STAU2: variants seen among roughly 807,000 people sequenced by gnomAD.
STAU2 encodes staufen double-stranded RNA binding protein 2.
Under a neutral mutation model 65.9 loss-of-function variants are expected in STAU2, and 20 were observed. The ratio of observed to expected loss-of-function variants is 0.30; its 90% CI spans 0.21 to 0.44. The LOEUF is 0.44. STAU2 is among the 20% of genes least tolerant of loss of function. STAU2 has a pLI of 1.00. For missense variants in STAU2, 558 were observed against 683.9 expected (o/e 0.82, Z 2.05); for synonymous variants, 232 against 233.9 (o/e 0.99, Z 0.07).
chr8:73,612,976 T>C (rs987762743), intron 9 of STAU2, among the ~76,000 whole-genome samples: 1 of 152,230 alleles, frequency 6.6e-6, no homozygotes, highest in African/African-American at 2.4e-5. Context: ...ATTCCTCTGA[T>C]ATTTACCTTG....
intron 3 of STAU2, among the ~76,000 whole-genome samples, chr8:73,728,463 C>CA (rs34893638): frequency 0.83 from 108,280 of 130,868 alleles, 43,882 homozygotes; most frequent in East Asian, 0.91. Context: ...CCAACTTTTG[C>CA]AAAAAAAAAA....
chr8:73,737,898 T>TAA (rs78894120), intron 3 of STAU2, among the ~76,000 whole-genome samples: 8 of 134,768 alleles, frequency 5.9e-5, no homozygotes, highest in Admixed American at 7.4e-5. Context: ...AAGTGAACTT[T>TAA]AAAAAAAAAA....
At chr8:73,665,871 A>G (rs1376205692) in intron 6 of STAU2, among the ~76,000 whole-genome samples, 4 of 152,158 alleles carry the variant, frequency 2.6e-5, no homozygotes, top group African/African-American at 9.7e-5. Flanking sequence ...CATATAACCT[A>G]TGCACATCCT....
chr8:73,730,345 ATAGC>A (rs753697219), intron 3 of STAU2, among the ~76,000 whole-genome samples: 73,266 of 152,050 alleles, frequency 0.48, 19,706 homozygotes, highest in Non-Finnish European at 0.62. Flanking sequence ...GAGAAGATAC[ATAGC>A]ATGATTTCAA....
At chr8:73,700,252 G>A (rs2130597059) in intron 4 of STAU2, among the ~76,000 whole-genome samples, 1 of 152,042 alleles carries the variant, frequency 6.6e-6, no homozygotes, top group Middle Eastern at 3.4e-3. Context: ...TTCCTCTTAG[G>A]TCTGTAACAC....
At chr8:73,714,463 A>G (rs989719778) in intron 3 of STAU2, among the ~76,000 whole-genome samples, 1 of 152,174 alleles carries the variant, frequency 6.6e-6, no homozygotes. Context: ...CAGGCATCAA[A>G]CTGCTCCATT....
chr8:73,437,690 A>AAGG (rs1817813587), intron 13 of STAU2, among the ~76,000 whole-genome samples: 1 of 152,092 alleles, frequency 6.6e-6, no homozygotes, highest in Non-Finnish European at 1.5e-5. Flanking sequence ...AAGGTTGGTG[A>AAGG]TGGGCCCAGG....
At position 73,420,859 on chromosome 8, in the gene STAU2, TA is replaced by T. The variant is rs1816333825; in HGVS notation, c.*512del. 1.3e-5 allele frequency: 2 copies of T among 156,058 alleles called. No individual in the cohort carries two copies. Among genetic ancestry groups the T allele is most frequent in the Admixed American group, 1.2e-4 (2 of 16,062 alleles). The allele number at this position is 156,058 out of a possible 1,614,324, so 9.7% of individuals were successfully genotyped here. A position where few individuals can be genotyped will look rare whatever the true frequency, so the allele number is the denominator to read the frequency against. On this transcript the variant is annotated 3_prime_UTR_variant, in exon 15 of 15. Transcript: ENST00000524300. Reference sequence around the variant, plus strand: ...TCCTACTGATATAGGATGAAGATTATAAATATCTGCATAAAAAGAGAAACCA... The same window carrying T: ...TCCTACTGATATAGGATGAAGATTATAATATCTGCATAAAAAGAGAAACCA...
intron 6 of STAU2, chr8:73,651,436 C>T (rs1815869076): frequency 3.0e-6 from 2 of 667,184 alleles, no homozygotes; most frequent in Non-Finnish European, 5.6e-6. Context: ...TTCAAAATCG[C>T]CGCATGAAAC....
At chr8:73,710,376 CTTT>C (rs11389924) in intron 3 of STAU2, among the ~76,000 whole-genome samples, 4 of 133,666 alleles carry the variant, frequency 3.0e-5, no homozygotes, top group African/African-American at 2.8e-5. Context: ...GGCTTCTATC[CTTT>C]TTTTTTTTTT....
chr8:73,472,298 G>A (rs1346983552), intron 13 of STAU2, among the ~76,000 whole-genome samples: 1 of 152,160 alleles, frequency 6.6e-6, no homozygotes, highest in Non-Finnish European at 1.5e-5. Flanking sequence ...AGATATAACT[G>A]TGAATTATAC....
intron 9 of STAU2, among the ~76,000 whole-genome samples, chr8:73,605,307 C>CTTT (rs760108756): frequency 2.2e-4 from 27 of 123,982 alleles, no homozygotes; most frequent in African/African-American, 3.7e-4. Context: ...GGCTTTTTTC[C>CTTT]TTTTTTTTTT....
Position 73,615,608 on chromosome 8 carries a change from T to C in STAU2, c.678+67A>G, listed in dbSNP as rs1041523830. 4 of 1,229,816 alleles carry C rather than the reference T, an allele frequency of 3.3e-6. No individual in the cohort carries two copies. The African/African-American group carries it at 5.9e-5, about 18-fold the overall frequency. 76.2% of individuals were successfully genotyped at this position (1,229,816 alleles called of 1,614,324 possible). On this transcript the variant is annotated intron_variant, in intron 8 of 14. Coordinates refer to ENST00000524300, the MANE Select transcript of STAU2 (RefSeq NM_001164380.2). The stretch of plus-strand genomic sequence containing the variant: ...TGCAGGATACTAATACACCAGTTAA[T>C]TTGATTTGTTTGTTTAAAATAACCA...
chr8:73,694,565 T>A (rs541669263), intron 4 of STAU2, among the ~76,000 whole-genome samples: 5 of 152,328 alleles, frequency 3.3e-5, no homozygotes, highest in African/African-American at 1.2e-4. Context: ...CAAAAGCCTA[T>A]ATATCATTCA....
intron 12 of STAU2, among the ~76,000 whole-genome samples, chr8:73,574,407 T>A (rs1420765812): frequency 2.0e-5 from 3 of 152,208 alleles, no homozygotes; most frequent in Non-Finnish European, 4.4e-5. Flanking sequence ...CATTACTGGG[T>A]ATATACCCAA....
At chr8:73,734,066 T>C (rs1563537154) in intron 3 of STAU2, among the ~76,000 whole-genome samples, 1 of 152,166 alleles carries the variant, frequency 6.6e-6, no homozygotes, top group Non-Finnish European at 1.5e-5. Flanking sequence ...CTTCAAAACA[T>C]TACATATTGT....
At chr8:73,554,845 C>T (rs1474937380) in intron 12 of STAU2, among the ~76,000 whole-genome samples, 5 of 152,236 alleles carry the variant, frequency 3.3e-5, no homozygotes, top group Non-Finnish European at 5.9e-5. Flanking sequence ...TCCTACTTAT[C>T]GCTCTATCTT....
intron 13 of STAU2, chr8:73,549,661 T>C (rs1488995455): frequency 2.0e-6 from 2 of 985,280 alleles, no homozygotes; most frequent in Non-Finnish European, 2.4e-6. Context: ...TCACATACAA[T>C]GGCTCTAGTA....
At chr8:73,455,459 A>T (rs756985610) in intron 13 of STAU2, among the ~76,000 whole-genome samples, 12 of 152,096 alleles carry the variant, frequency 7.9e-5, no homozygotes, top group Non-Finnish European at 1.8e-4. Flanking sequence ...AGACACTGAC[A>T]CCAGACCTCC....
Sources: gnomAD v4.1 joint callset for allele counts (sites outside exome capture counted in the v4.1 genomes callset) on GRCh38, gnomAD v4.1.1 for gene constraint, MANE v1.5 for transcripts, NCBI Gene and HGNC (gene_info 2026-07-23, HGNC 2026-07-21) for gene names.